LIMCH1: variants seen among roughly 807,000 people sequenced by gnomAD.
The protein encoded by LIMCH1 is LIM and calponin homology domains 1, also known as LIM and calponin homology domains-containing protein 1.
Under a neutral mutation model 176.5 loss-of-function variants are expected in LIMCH1, and 113 were observed. The observed-to-expected ratio is 0.64, with a 90% CI of 0.55 to 0.75. The LOEUF (loss-of-function observed/expected upper bound fraction) is 0.75. LIMCH1 is among the 30% of genes least tolerant of loss of function. LIMCH1 has a pLI of 0.00. For synonymous variants in LIMCH1, 619 were observed against 645.9 expected (o/e 0.96, Z 0.63); for missense variants, 1,674 against 1,814.9 (o/e 0.92, Z 1.41).
intron 10 of LIMCH1, among the ~76,000 whole-genome samples, chr4:41,632,507 G>A (rs1414766903): frequency 2.6e-5 from 4 of 152,158 alleles, no homozygotes; most frequent in African/African-American, 9.7e-5. Context: ...TGAATCCTGA[G>A]AGGCCCATCA....
At chr4:41,485,148 C>T (rs11723484) in intron 1 of LIMCH1, among the ~76,000 whole-genome samples, 8,881 of 152,056 alleles carry the variant, frequency 0.058, 309 homozygotes, top group Non-Finnish European at 0.07. Context: ...TTAAAGTCCC[C>T]CATGTTTCTT....
chr4:41,489,189 T>A (rs977262390), intron 1 of LIMCH1, among the ~76,000 whole-genome samples: 6 of 152,152 alleles, frequency 3.9e-5, no homozygotes, highest in Non-Finnish European at 5.9e-5. Context: ...ACAAAAGGGT[T>A]ACTAATTTTA....
intron 4 of LIMCH1, among the ~76,000 whole-genome samples, chr4:41,610,257 G>T (rs1417622703): frequency 1.3e-5 from 2 of 152,138 alleles, no homozygotes; most frequent in Non-Finnish European, 2.9e-5. Flanking sequence ...GGGCCTGTGG[G>T]GAGCCTTTCT....
chr4:41,612,377 T>C (rs1253913863), intron 4 of LIMCH1: 2 of 574,352 alleles, frequency 3.5e-6, no homozygotes, highest in Non-Finnish European at 6.1e-6. Context: ...GAGGGGACTT[T>C]CGCGAGCATC....
chr4:41,631,295 A>G lies in LIMCH1; in HGVS notation c.1419A>G (p.Pro473=). 6.5e-7 allele frequency: 1 copy of G among 1,536,124 alleles called. No individual in the cohort carries two copies. Among genetic ancestry groups the G allele is most frequent in the Non-Finnish European group, 8.7e-7 (1 of 1,146,908 alleles). ...GGCAAAAGTTTGTGCACTTTGGGCC[A>G]GTGACGGAGCTAGATCAGCAGAAAT... The part of the protein sequence containing the change: ...SPRQKFVHFG[P]VTELDQQKWK... Residue 473 remains proline, a synonymous_variant, in exon 10 of 32, where the codon CCA becomes CCG. Transcript: ENST00000503057.
rs1431889372 is a variant in LIMCH1 at position 41,699,735 on chromosome 4, T to C, written c.*2550T>C. On this transcript the variant is annotated 3_prime_UTR_variant, in exon 32 of 32. Transcript: ENST00000503057. Reference sequence around the variant, plus strand: ...TTTAATAAAAATAATGGGTAACTTTTTGTTTTTCACTAGCGAACTTCCATG... The same window carrying C: ...TTTAATAAAAATAATGGGTAACTTTCTGTTTTTCACTAGCGAACTTCCATG... The C allele has an allele frequency of 6.6e-6, 1 of 152,210 alleles. No individual in the cohort carries two copies. The highest frequency in any genetic ancestry group is 1.5e-5 in the Non-Finnish European group (1 of 68,030). The allele number at this position is 152,210 out of a possible 1,614,324, so 9.4% of individuals were successfully genotyped here. A position where few individuals can be genotyped will look rare whatever the true frequency, so the allele number is the denominator to read the frequency against.
intron 1 of LIMCH1, among the ~76,000 whole-genome samples, chr4:41,381,958 AG>A: frequency 6.6e-6 from 1 of 152,330 alleles, no homozygotes; most frequent in East Asian, 1.9e-4. Flanking sequence ...CCACTGCCAA[AG>A]GTGTGACAAC....
intron 2 of LIMCH1, among the ~76,000 whole-genome samples, chr4:41,495,621 T>C (rs2071984661): frequency 6.6e-6 from 1 of 152,206 alleles, no homozygotes; most frequent in Non-Finnish European, 1.5e-5. Flanking sequence ...GGACTAGAGA[T>C]TGATGTTCTT....
intron 1 of LIMCH1, among the ~76,000 whole-genome samples, chr4:41,471,823 G>A (rs2154159978): frequency 6.6e-6 from 1 of 152,102 alleles, no homozygotes; most frequent in Non-Finnish European, 1.5e-5. Context: ...GTTTGTTCCT[G>A]GAACTTCCTT....
At chr4:41,671,487 A>G in intron 21 of LIMCH1, 67 bp from the exon 22 acceptor site, 1 of 1,387,590 alleles carries the variant, frequency 7.2e-7, no homozygotes, top group East Asian at 2.3e-5. Flanking sequence ...CTGATAGGTC[A>G]AAAACAAAGA....
At chr4:41,487,326 G>A (rs2069787274) in intron 1 of LIMCH1, among the ~76,000 whole-genome samples, 1 of 152,192 alleles carries the variant, frequency 6.6e-6, no homozygotes, top group African/African-American at 2.4e-5. Context: ...GGAATGGATG[G>A]CATTTGAATC....
At chr4:41,651,240 A>G (rs1478402341) in intron 18 of LIMCH1, among the ~76,000 whole-genome samples, 1 of 152,090 alleles carries the variant, frequency 6.6e-6, no homozygotes, top group African/African-American at 2.4e-5. Context: ...CCTGACCTCA[A>G]GTGATCCACC....
chr4:41,644,204 C>A (rs1056808396), intron 14 of LIMCH1, among the ~76,000 whole-genome samples: 32 of 152,334 alleles, frequency 2.1e-4, no homozygotes, highest in Admixed American at 8.5e-4. Context: ...TCTAGCTCTT[C>A]TTTAAACCTA....
chr4:41,508,588 C>T (rs1180893679), intron 2 of LIMCH1, among the ~76,000 whole-genome samples: 5 of 152,102 alleles, frequency 3.3e-5, no homozygotes, highest in Non-Finnish European at 5.9e-5. Flanking sequence ...GGAAAGGCCA[C>T]ATTAGGAAAG....
chr4:41,643,439 C>T (rs2093921462), intron 14 of LIMCH1, among the ~76,000 whole-genome samples: 1 of 152,052 alleles, frequency 6.6e-6, no homozygotes, highest in Non-Finnish European at 1.5e-5. Flanking sequence ...CTCCATAGCC[C>T]ACTTGTCCCA....
intron 2 of LIMCH1, among the ~76,000 whole-genome samples, chr4:41,510,854 G>A (rs969988933): frequency 6.6e-6 from 1 of 152,184 alleles, no homozygotes; most frequent in Non-Finnish European, 1.5e-5. Flanking sequence ...CTCCCAAAGT[G>A]CTGGGATTAA....
At chr4:41,620,939 G>A (rs1425235584) in intron 7 of LIMCH1, among the ~76,000 whole-genome samples, 3 of 152,226 alleles carry the variant, frequency 2.0e-5, no homozygotes, top group African/African-American at 7.2e-5. Context: ...CCTTGTCTTT[G>A]TCATGTATTT....
chr4:41,674,204 C>T (rs2095143080), intron 22 of LIMCH1, among the ~76,000 whole-genome samples: 1 of 152,198 alleles, frequency 6.6e-6, no homozygotes, highest in African/African-American at 2.4e-5. Flanking sequence ...ACTTCCTCCT[C>T]CTATCTGCCC....
upstream of LIMCH1, among the ~76,000 whole-genome samples, chr4:41,537,667 C>T (rs543273670): frequency 6.6e-6 from 1 of 152,206 alleles, no homozygotes; most frequent in East Asian, 1.9e-4. Flanking sequence ...CCCATCTCAG[C>T]ATTGTGGGAT....
Sources: gnomAD v4.1 joint callset for allele counts (sites outside exome capture counted in the v4.1 genomes callset) on GRCh38, gnomAD v4.1.1 for gene constraint, MANE v1.5 for transcripts, NCBI Gene and HGNC (gene_info 2026-07-23, HGNC 2026-07-21) for gene names.